TMEM163: variants seen among roughly 807,000 people sequenced by gnomAD.
TMEM163 encodes the protein transmembrane protein 163.
In TMEM163, 17 loss-of-function variants were observed where a neutral mutation model predicts 29.3. The observed-to-expected ratio is 0.58, with a 90% CI of 0.40 to 0.87. The LOEUF (loss-of-function observed/expected upper bound fraction) is 0.87. TMEM163 is among the 40% of genes least tolerant of loss of function. The probability of loss-of-function intolerance (pLI) is 0.00; values close to 1 mark genes in which losing one functional copy is unlikely to be tolerated. For missense variants in TMEM163, 303 were observed against 381.5 expected (o/e 0.79, Z 1.71); for synonymous variants, 157 against 160.6 (o/e 0.98, Z 0.17).
intron 2 of TMEM163, among the ~76,000 whole-genome samples, chr2:134,577,881 C>T (rs984159612): frequency 2.0e-5 from 3 of 152,068 alleles, no homozygotes; most frequent in East Asian, 3.9e-4. Context: ...ATAGCATTCA[C>T]GTTGTATTAG....
intron 2 of TMEM163, among the ~76,000 whole-genome samples, chr2:134,663,924 C>A (rs891144365): frequency 3.9e-5 from 6 of 152,254 alleles, no homozygotes; most frequent in African/African-American, 1.4e-4. Context: ...GCCTCTCTGG[C>A]AGGTGAGCAC....
rs565122172 is a variant in TMEM163, at chr2:134,477,065, G to T, written c.556-10840C>A. ...ACACCTACGTTTAGCACTTGCTGCA[G>T]CATCTCGTAGTCTTTGGCTCACCCA... On this transcript the variant is annotated intron_variant, in intron 5 of 7. Transcript: ENST00000281924. Among the ~76,000 whole-genome samples the T allele has an allele frequency of 3.7e-4, 56 of 152,308 alleles. 1 individual carries two copies. The highest frequency in any genetic ancestry group is 5.9e-4 in the Non-Finnish European group (40 of 68,032).
chr2:134,478,335 G>C (rs1380000066), intron 5 of TMEM163, among the ~76,000 whole-genome samples: 1 of 152,044 alleles, frequency 6.6e-6, no homozygotes, highest in South Asian at 2.1e-4. Flanking sequence ...GAGGGCTCAG[G>C]AGAAGACTAG....
intron 6 of TMEM163, chr2:134,458,394 C>G: frequency 1.8e-6 from 1 of 570,572 alleles, no homozygotes; most frequent in Non-Finnish European, 3.1e-6. Context: ...CATTCTGTAC[C>G]TGCTTTATTT....
At chr2:134,681,589 G>A (rs1431906925) in intron 2 of TMEM163, among the ~76,000 whole-genome samples, 1 of 151,942 alleles carries the variant, frequency 6.6e-6, no homozygotes, top group Non-Finnish European at 1.5e-5. Flanking sequence ...GCCTCCGTCT[G>A]TAAGTCCTAC....
At chr2:134,696,042 A>C (rs1684572688) in intron 2 of TMEM163, among the ~76,000 whole-genome samples, 1 of 139,088 alleles carries the variant, frequency 7.2e-6, no homozygotes, top group Non-Finnish European at 1.5e-5. Flanking sequence ...CAAGAGAAAG[A>C]CACCGTCTCA....
chr2:134,514,408 A>T (rs13401119), intron 4 of TMEM163, among the ~76,000 whole-genome samples: 70 of 106,826 alleles, frequency 6.6e-4, no homozygotes, highest in Non-Finnish European at 8.8e-4. Flanking sequence ...TTTTTTTTTT[A>T]AAAAAAGAGG....
intron 5 of TMEM163, among the ~76,000 whole-genome samples, chr2:134,499,922 G>A (rs1424332830): frequency 1.3e-5 from 2 of 152,192 alleles, no homozygotes; most frequent in East Asian, 3.9e-4. Flanking sequence ...TGTGCAGCCA[G>A]GAGCCATGCT....
At chr2:134,500,012 A>G (rs779385422) in intron 5 of TMEM163, among the ~76,000 whole-genome samples, 1 of 152,206 alleles carries the variant, frequency 6.6e-6, no homozygotes, top group Non-Finnish European at 1.5e-5. Flanking sequence ...AGTTTATCTC[A>G]CATTAAACAT....
At chr2:134,665,777 C>T (rs1683860613) in intron 2 of TMEM163, among the ~76,000 whole-genome samples, 1 of 152,180 alleles carries the variant, frequency 6.6e-6, no homozygotes, top group South Asian at 2.1e-4. Context: ...CCTCTCCGGA[C>T]CTCAGCATCT....
rs145444873 is a variant in TMEM163, at chr2:134,609,962, G to A, written c.323-57871C>T. On this transcript the variant is annotated intron_variant, in intron 2 of 7. Transcript: ENST00000281924. Reference sequence around the variant, plus strand: ...GGAAAGGTTTTACGAGGCCTACAGGGGAAGGGGAGGAGAAAGCAGAGAGAG... The same window carrying A: ...GGAAAGGTTTTACGAGGCCTACAGGAGAAGGGGAGGAGAAAGCAGAGAGAG... Among the ~76,000 whole-genome samples the A allele has an allele frequency of 1.2e-3, 183 of 152,300 alleles. 1 individual carries two copies. The highest frequency in any genetic ancestry group is 4.3e-3 in the African/African-American group (179 of 41,568).
intron 2 of TMEM163, among the ~76,000 whole-genome samples, chr2:134,598,974 G>A (rs545435132): frequency 7.0e-6 from 1 of 143,584 alleles, no homozygotes; most frequent in Non-Finnish European, 1.5e-5. Flanking sequence ...TCTATGGATT[G>A]GATTAAATGC....
At chr2:134,688,822 G>A (rs949006937) in intron 2 of TMEM163, among the ~76,000 whole-genome samples, 4 of 152,008 alleles carry the variant, frequency 2.6e-5, no homozygotes, top group Admixed American at 1.3e-4. Flanking sequence ...TACCACACAC[G>A]CACACTCTCT....
intron 2 of TMEM163, among the ~76,000 whole-genome samples, chr2:134,671,785 C>T (rs1434262476): frequency 6.6e-6 from 1 of 152,216 alleles, no homozygotes; most frequent in Admixed American, 6.5e-5. Flanking sequence ...CACACCCAGC[C>T]ATCTGAGTCC....
At chr2:134,649,897 T>C (rs544349407) in intron 2 of TMEM163, among the ~76,000 whole-genome samples, 1 of 151,226 alleles carries the variant, frequency 6.6e-6, no homozygotes, top group Admixed American at 6.6e-5. Context: ...TCCCAGCTAC[T>C]TGGGTGGCTG....
At chr2:134,560,480 C>T (rs148981841) in intron 2 of TMEM163, among the ~76,000 whole-genome samples, 30 of 152,252 alleles carry the variant, frequency 2.0e-4, no homozygotes, top group South Asian at 1.7e-3. Flanking sequence ...CTCAAAACAC[C>T]GGGAGGCCCA....
intron 2 of TMEM163, among the ~76,000 whole-genome samples, chr2:134,700,182 T>G (rs1558996527): frequency 2.0e-5 from 3 of 152,244 alleles, no homozygotes; most frequent in Non-Finnish European, 4.4e-5. Flanking sequence ...TCACTTCTGC[T>G]GTCTACTGAT....
At chr2:134,715,575 G>A (rs16830956) in intron 1 of TMEM163, among the ~76,000 whole-genome samples, 4,433 of 143,914 alleles carry the variant, frequency 0.031, 81 homozygotes, top group African/African-American at 0.049. Flanking sequence ...AAATATAGCC[G>A]ATCCTAAGAA....
intron 2 of TMEM163, among the ~76,000 whole-genome samples, chr2:134,700,541 T>C (rs760163241): frequency 2.0e-5 from 3 of 152,184 alleles, no homozygotes; most frequent in Non-Finnish European, 2.9e-5. Flanking sequence ...CGCAGGATGG[T>C]TCCTCATGTA....
Sources: gnomAD v4.1 joint callset for allele counts (sites outside exome capture counted in the v4.1 genomes callset) on GRCh38, gnomAD v4.1.1 for gene constraint, MANE v1.5 for transcripts, NCBI Gene and HGNC (gene_info 2026-07-23, HGNC 2026-07-21) for gene names.